The following DAB1 variants were observed in gnomAD, a reference collection of about 807,000 sequenced individuals.
DAB1 encodes DAB adaptor protein 1, also known as disabled homolog 1.
In DAB1, 15 loss-of-function variants were observed where a neutral mutation model predicts 64.6. That is an observed-to-expected ratio of 0.23 (90% CI 0.16 to 0.36). The LOEUF is 0.36. Among genes scored for constraint, DAB1 ranks in the 10% least tolerant of loss-of-function variants. DAB1 has a pLI of 1.00. For synonymous variants in DAB1, 235 were observed against 251.9 expected (o/e 0.93, Z 0.64); for missense variants, 596 against 706.7 (o/e 0.84, Z 1.78).
At chr1:57,801,659 T>A (rs1028085935) in intron 6 of DAB1, among the ~76,000 whole-genome samples, 2 of 152,080 alleles carry the variant, frequency 1.3e-5, no homozygotes, top group African/African-American at 2.4e-5. Flanking sequence ...TTTTTTTATT[T>A]TTTTTTATTT....
At chr1:57,785,119 C>G (rs1370035549) in intron 6 of DAB1, among the ~76,000 whole-genome samples, 1 of 152,142 alleles carries the variant, frequency 6.6e-6, no homozygotes, top group Non-Finnish European at 1.5e-5. Context: ...ACAACAAAGC[C>G]TGGATGACAG....
chr1:58,014,465 C>A (rs1007041047), intron 5 of DAB1, among the ~76,000 whole-genome samples: 5 of 152,204 alleles, frequency 3.3e-5, no homozygotes, highest in Non-Finnish European at 5.9e-5. Context: ...GATCAGTGGA[C>A]TGGATTCATG....
At chr1:57,689,524 A>G (rs1646738778) in intron 6 of DAB1, among the ~76,000 whole-genome samples, 1 of 152,172 alleles carries the variant, frequency 6.6e-6, no homozygotes, top group Non-Finnish European at 1.5e-5. Context: ...TTGACATAGT[A>G]CCTAAAGAGA....
chr1:57,821,316 TA>T (rs574599949), downstream of DAB1, among the ~76,000 whole-genome samples: 225 of 151,914 alleles, frequency 1.5e-3, no homozygotes, highest in Non-Finnish European at 2.3e-3. Context: ...ATAATAATAA[TA>T]AAAAAAGCAC....
At chr1:58,405,024 C>CCAT (rs1171105341) in intron 3 of DAB1, among the ~76,000 whole-genome samples, 1 of 152,184 alleles carries the variant, frequency 6.6e-6, no homozygotes, top group African/African-American at 2.4e-5. Context: ...CTATGAAGCA[C>CCAT]CATTCACACA....
At chr1:57,133,927 T>G (rs1017270863) in intron 4 of DAB1, among the ~76,000 whole-genome samples, 1 of 152,196 alleles carries the variant, frequency 6.6e-6, no homozygotes, top group Admixed American at 6.5e-5. Context: ...TTTAGTAAAC[T>G]GTTCCTGCTC....
chr1:58,079,198 A>G (rs937828592), intron 5 of DAB1, among the ~76,000 whole-genome samples: 1 of 152,192 alleles, frequency 6.6e-6, no homozygotes, highest in Non-Finnish European at 1.5e-5. Flanking sequence ...CCCACAGGAC[A>G]CTGCAGGTCT....
intron 3 of DAB1, among the ~76,000 whole-genome samples, chr1:57,141,780 T>C (rs1208110204): frequency 6.6e-6 from 1 of 152,192 alleles, no homozygotes; most frequent in Non-Finnish European, 1.5e-5. Context: ...AAGTCAATGG[T>C]GCATGATGTG....
intron 4 of DAB1, among the ~76,000 whole-genome samples, chr1:58,275,365 A>G (rs1453997433): frequency 2.0e-5 from 3 of 152,214 alleles, no homozygotes; most frequent in Admixed American, 6.5e-5. Context: ...TTTGCACAAA[A>G]GGACAAAATC....
chr1:58,154,470 TCA>T (rs1655115341), intron 4 of DAB1, among the ~76,000 whole-genome samples: 1 of 152,240 alleles, frequency 6.6e-6, no homozygotes, highest in East Asian at 1.9e-4. Context: ...ATTCATTCAT[TCA>T]TTCATTCATT....
intron 3 of DAB1, among the ~76,000 whole-genome samples, chr1:58,407,475 G>T (rs1320975192): frequency 1.3e-5 from 2 of 152,146 alleles, no homozygotes; most frequent in Non-Finnish European, 2.9e-5. Flanking sequence ...GGAATGATTT[G>T]CCCCCTTTCC....
chr1:57,948,541 C>T (rs1570049143), intron 5 of DAB1, among the ~76,000 whole-genome samples: 1 of 152,180 alleles, frequency 6.6e-6, no homozygotes, highest in African/African-American at 2.4e-5. Context: ...CACTCTCAAC[C>T]AATGCGTTTT....
At chr1:57,449,163 C>T (rs1286112191) in intron 7 of DAB1, among the ~76,000 whole-genome samples, 1 of 152,140 alleles carries the variant, frequency 6.6e-6, no homozygotes, top group Non-Finnish European at 1.5e-5. Context: ...AATGATCCCA[C>T]ACTTCAAAGG....
At chr1:57,934,016 C>T (rs1402524902) in intron 5 of DAB1, among the ~76,000 whole-genome samples, 1 of 151,320 alleles carries the variant, frequency 6.6e-6, no homozygotes, top group Non-Finnish European at 1.5e-5. Context: ...CTGCCTCAGC[C>T]TCCTGAGTAG....
chr1:57,759,413 T>G (rs1451607969), intron 6 of DAB1, among the ~76,000 whole-genome samples: 1 of 152,226 alleles, frequency 6.6e-6, no homozygotes, highest in Non-Finnish European at 1.5e-5. Context: ...CTTAATTATG[T>G]GCATATTATC....
At chr1:57,617,558 G>C (rs1206165061) in intron 7 of DAB1, among the ~76,000 whole-genome samples, 2 of 152,050 alleles carry the variant, frequency 1.3e-5, no homozygotes, top group East Asian at 3.9e-4. Flanking sequence ...TCTTAAAATT[G>C]TCACCTCCGC....
chr1:58,168,809 T>G (rs940309420), intron 4 of DAB1, among the ~76,000 whole-genome samples: 13 of 152,198 alleles, frequency 8.5e-5, no homozygotes, highest in African/African-American at 3.1e-4. Flanking sequence ...CACTTCATTT[T>G]TGGGGCATAA....
In DAB1 at chr1:57,590,735, AACACACACACACACACACACAC is replaced by A. The variant is rs58957864; in HGVS notation, n.625+58835_625+58856del. Among the ~76,000 whole-genome samples, 10 of 132,432 alleles carry A rather than the reference AACACACACACACACACACACAC, an allele frequency of 7.6e-5. No homozygotes were observed. The East Asian group carries it at 1.4e-3, about 18-fold the overall frequency. 86.9% of individuals were successfully genotyped at this position (132,432 alleles called of 152,430 possible). ...TGGGAAGGAACACATTGTAGTCCGT[AACACACACACACACACACACAC>A]ACACACACACACACACACACACACA... On this transcript the variant is annotated intron_variant and non_coding_transcript_variant, in intron 7 of 20. Transcript: ENST00000485760.
chr1:58,238,704 C>T (rs779694141), intron 4 of DAB1, among the ~76,000 whole-genome samples: 1 of 152,098 alleles, frequency 6.6e-6, no homozygotes, highest in African/African-American at 2.4e-5. Flanking sequence ...GTACTTCCAG[C>T]CTCTCTCTTC....
Sources: gnomAD v4.1 joint callset for allele counts (sites outside exome capture counted in the v4.1 genomes callset) on GRCh38, gnomAD v4.1.1 for gene constraint, MANE v1.5 for transcripts, NCBI Gene and HGNC (gene_info 2026-07-23, HGNC 2026-07-21) for gene names.